DNAH5: variants seen among roughly 807,000 people sequenced by gnomAD.
DNAH5 encodes dynein axonemal heavy chain 5, also known as axonemal beta dynein heavy chain 5.
A neutral mutation model predicts 518.2 loss-of-function variants in DNAH5; 372 were observed. The observed-to-expected ratio is 0.72, with a 90% CI of 0.66 to 0.78. DNAH5 has a LOEUF of 0.78. Ranked by LOEUF, DNAH5 falls within the 30% of genes least tolerant of loss-of-function variation. The probability of loss-of-function intolerance (pLI) is 0.00; values close to 1 mark genes in which losing one functional copy is unlikely to be tolerated. For missense variants in DNAH5, 5,523 were observed against 5,687.0 expected, an observed-to-expected ratio of 0.97 and a Z score of 0.93; for synonymous variants, 2,039 against 2,025.9, an observed-to-expected ratio of 1.01 and a Z score of -0.17.
At chr5:13,873,328 A>G (rs115730612) in intron 22 of DNAH5, among the ~76,000 whole-genome samples, 4,595 of 152,036 alleles carry the variant, frequency 0.03, 85 homozygotes, top group Non-Finnish European at 0.045. Flanking sequence ...TATTTCACTA[A>G]GATTGTTACT....
At chr5:13,951,207 C>CTTTTTTTTTTTTTTTTTTTTT (rs1780373361) in intron 1 of DNAH5, among the ~76,000 whole-genome samples, 1 of 60,176 alleles carries the variant, frequency 1.7e-5, no homozygotes, top group African/African-American at 5.8e-5. Context: ...TTGTTTTTTT[C>CTTTTTTTTTTTTTTTTTTTTT]GTTTTTTTTT....
chr5:14,005,149 C>T (rs1784634199), intron 1 of DNAH5, among the ~76,000 whole-genome samples: 1 of 152,146 alleles, frequency 6.6e-6, no homozygotes, highest in African/African-American at 2.4e-5. Flanking sequence ...AGTGGCAAGC[C>T]CTCTATTCCT....
intron 69 of DNAH5, among the ~76,000 whole-genome samples, chr5:13,728,150 T>C (rs1561123794): frequency 6.6e-6 from 1 of 152,162 alleles, no homozygotes; most frequent in Non-Finnish European, 1.5e-5. Flanking sequence ...CTAGAGTAAT[T>C]GGAAATACGC....
intron 1 of DNAH5, among the ~76,000 whole-genome samples, chr5:14,008,394 G>A (rs1307275154): frequency 6.9e-6 from 1 of 145,668 alleles, no homozygotes; most frequent in African/African-American, 2.6e-5. Flanking sequence ...AGGCCGAGGC[G>A]GGTGGGTTAC....
chr5:13,830,493 G>A lies in DNAH5; in HGVS notation c.6061+104C>T, dbSNP rs138410424. ...AAGATTTTCCAAAAAATTTTACAAA[G>A]TTGAAAATGATTCTAAAATGTGGCC... On this transcript the variant is annotated intron_variant, in intron 36 of 78. Coordinates refer to ENST00000265104, the MANE Select transcript of DNAH5 (RefSeq NM_001369.3). 4.3e-3 allele frequency: 6,137 copies of A among 1,414,288 alleles called. 61 individuals are homozygous for A. Among genetic ancestry groups the A allele is most frequent in the Admixed American group, 0.028 (1,570 of 57,010 alleles). 87.6% of individuals were successfully genotyped at this position (1,414,288 alleles called of 1,614,324 possible).
At chr5:13,799,043 G>A (rs1331108059) in intron 47 of DNAH5, among the ~76,000 whole-genome samples, 1 of 152,004 alleles carries the variant, frequency 6.6e-6, no homozygotes, top group African/African-American at 2.4e-5. Context: ...TGGGATTACA[G>A]GCATGAGCCA....
intron 70 of DNAH5, among the ~76,000 whole-genome samples, chr5:13,723,176 C>G (rs1411683291): frequency 1.3e-5 from 2 of 152,218 alleles, no homozygotes; most frequent in African/African-American, 4.8e-5. Context: ...AAATCTCTAA[C>G]TTGCATATAA....
intron 1 of DNAH5, among the ~76,000 whole-genome samples, chr5:13,938,549 A>ATAT (rs1447209199): frequency 1.9e-4 from 29 of 150,330 alleles, no homozygotes; most frequent in South Asian, 2.1e-4. Flanking sequence ...TGTATATATA[A>ATAT]AAAATGTAAA....
At chr5:13,853,202 C>T (rs879320555) in intron 30 of DNAH5, among the ~76,000 whole-genome samples, 21 of 152,308 alleles carry the variant, frequency 1.4e-4, no homozygotes, top group Non-Finnish European at 2.4e-4. Flanking sequence ...TGTTCTGCAG[C>T]CTCCGCTGGT....
At chr5:13,940,722 A>G (rs1235854968) in intron 1 of DNAH5, among the ~76,000 whole-genome samples, 2 of 152,158 alleles carry the variant, frequency 1.3e-5, no homozygotes, top group Non-Finnish European at 2.9e-5. Flanking sequence ...AGTATGACCG[A>G]GTTCTCACTT....
rs890023092 is a variant in DNAH5, at chr5:13,798,872, T to C, written c.7888-4814A>G. On this transcript the variant is annotated intron_variant, in intron 47 of 78. Transcript: ENST00000265104. ...GCCTTTGCCTCCCGGGTTCAAGCGA[T>C]TCTCCTGCCTCAGCCTCCCAGTAGT... 2.6e-5 allele frequency among the ~76,000 whole-genome samples: 4 copies of C among 151,870 alleles called. No individual in the cohort carries two copies. In the East Asian group the frequency reaches 5.8e-4, roughly 22 times the overall value.
upstream of DNAH5, among the ~76,000 whole-genome samples, chr5:13,948,899 C>G (rs1308664412): frequency 1.3e-5 from 2 of 152,136 alleles, no homozygotes; most frequent in African/African-American, 4.8e-5. Flanking sequence ...AATAAACTCG[C>G]AAGCTGAATA....
At chr5:13,737,908 A>G (rs945365656) in intron 65 of DNAH5, among the ~76,000 whole-genome samples, 3 of 151,980 alleles carry the variant, frequency 2.0e-5, no homozygotes, top group Admixed American at 6.6e-5. Flanking sequence ...CTAAAATACA[A>G]AAAAATTATC....
Position 13,871,020 on chromosome 5 carries a change from T to C in DNAH5, c.3599-18A>G, listed in dbSNP as rs117296306. 27 of 1,593,894 alleles carry C rather than the reference T, an allele frequency of 1.7e-5. No individual in the cohort carries two copies. In the East Asian group the frequency reaches 2.9e-4, roughly 17 times the overall value. ...CAAGTCAGCTGTAAAAACCCAAATG[T>C]CTACAGTTCAGTTTTAAAAACTCGA... On this transcript the variant is annotated intron_variant, in intron 23 of 78. Transcript: ENST00000265104.
chr5:13,697,974 G>A (rs1319091682), intron 78 of DNAH5, among the ~76,000 whole-genome samples: 2 of 152,226 alleles, frequency 1.3e-5, no homozygotes, highest in African/African-American at 4.8e-5. Context: ...TGGAGGTAGA[G>A]TCTGATAAAA....
At chr5:13,919,084 CA>C (rs1776965716) in intron 7 of DNAH5, 91 bp downstream of exon 7, 5 of 1,480,828 alleles carry the variant, frequency 3.4e-6, no homozygotes, top group South Asian at 1.1e-5. Flanking sequence ...GGTATAATAA[CA>C]TTTTTTTGTT....
chr5:13,883,786 T>C (rs1372898096), intron 19 of DNAH5, among the ~76,000 whole-genome samples: 1 of 152,104 alleles, frequency 6.6e-6, no homozygotes, highest in Non-Finnish European at 1.5e-5. Context: ...GTTCTAATAA[T>C]AACGCTGTGC....
rs867090374 is a variant in DNAH5 at position 13,914,565 on chromosome 5, C to T, written c.1275G>A (p.Gln425=). ...NGTASIWNQP[Q]DVVEEKILSA... ...ATAGTATTTTTTCTTCAACAACATCCTGTGGCTGGTTCCAGATGGAAGCGG... is the reference window on the plus strand; with the variant it reads ...ATAGTATTTTTTCTTCAACAACATCTTGTGGCTGGTTCCAGATGGAAGCGG... Residue 425 remains glutamine, a synonymous_variant, in exon 10 of 79, where the codon CAG becomes CAA. Transcript: ENST00000265104. 6.2e-7 allele frequency: 1 copy of T among 1,613,458 alleles called. No homozygotes were observed. Among genetic ancestry groups the T allele is most frequent in the Non-Finnish European group, 8.5e-7 (1 of 1,179,508 alleles).
intron 1 of DNAH5, among the ~76,000 whole-genome samples, chr5:13,966,264 G>A (rs1054634167): frequency 6.6e-6 from 1 of 151,994 alleles, no homozygotes; most frequent in African/African-American, 2.4e-5. Flanking sequence ...CTCGTCAATT[G>A]ATGGGCATTT....
Sources: gnomAD v4.1 joint callset for allele counts (sites outside exome capture counted in the v4.1 genomes callset) on GRCh38, gnomAD v4.1.1 for gene constraint, MANE v1.5 for transcripts, NCBI Gene and HGNC (gene_info 2026-07-23, HGNC 2026-07-21) for gene names.